The following CHST11 variants were observed in gnomAD, a reference collection of about 807,000 sequenced individuals.
CHST11 encodes C4S-1.
CHST11 carries 9 observed loss-of-function variants against 30.4 expected under a neutral mutation model. That is an observed-to-expected ratio of 0.30 (90% CI 0.18 to 0.52). The LOEUF is 0.52. Among genes scored for constraint, CHST11 ranks in the 20% least tolerant of loss-of-function variants. The pLI is 0.97. For missense variants in CHST11, 348 were observed against 460.6 expected (o/e 0.76, Z 2.24); for synonymous variants, 152 against 187.8 (o/e 0.81, Z 1.56).
intron 2 of CHST11, among the ~76,000 whole-genome samples, chr12:104,670,163 A>AG (rs958243517): frequency 1.4e-4 from 21 of 152,310 alleles, no homozygotes; most frequent in African/African-American, 4.6e-4. Flanking sequence ...AGAGGGAGGA[A>AG]GGGGGGTCCA....
intron 1 of CHST11, among the ~76,000 whole-genome samples, chr12:104,489,635 C>T (rs1194450072): frequency 3.9e-5 from 6 of 152,170 alleles, no homozygotes; most frequent in East Asian, 3.9e-4. Flanking sequence ...TGCACCACCA[C>T]GCCCAGCTAA....
At chr12:104,613,417 C>T (rs974033785) in intron 2 of CHST11, among the ~76,000 whole-genome samples, 1 of 151,530 alleles carries the variant, frequency 6.6e-6, no homozygotes, top group African/African-American at 2.4e-5. Flanking sequence ...GTGTCACCCC[C>T]GTCCCCAAAT....
At chr12:104,654,530 C>T (rs1158174045) in intron 2 of CHST11, among the ~76,000 whole-genome samples, 1 of 152,080 alleles carries the variant, frequency 6.6e-6, no homozygotes, top group Non-Finnish European at 1.5e-5. Context: ...CCCTGGATTC[C>T]CCATGGTGGT....
intron 1 of CHST11, among the ~76,000 whole-genome samples, chr12:104,551,694 T>A (rs1435547618): frequency 6.6e-6 from 1 of 152,142 alleles, no homozygotes; most frequent in Non-Finnish European, 1.5e-5. Context: ...GTGAAGAGTA[T>A]TTTTAGCCAA....
rs2040244504 is a variant in CHST11 at position 104,729,998 on chromosome 12, TG to T, written c.205-26949del. ...CTTGGGGCTCTAAGTAGCATTACACTGGCTGGGCAGGTAGTCACCCTCATCC... is the reference window on the plus strand; with the variant it reads ...CTTGGGGCTCTAAGTAGCATTACACTGCTGGGCAGGTAGTCACCCTCATCC... On this transcript the variant is annotated intron_variant, in intron 2 of 2. Coordinates refer to ENST00000303694, the MANE Select transcript of CHST11 (RefSeq NM_018413.6). The surrounding 1 kb of genome is among the most constrained non-coding windows in gnomAD (Gnocchi z 4.0). Among the ~76,000 whole-genome samples the T allele has an allele frequency of 6.6e-6, 1 of 152,204 alleles. No homozygotes were observed. The highest frequency in any genetic ancestry group is 6.5e-5 in the Admixed American group (1 of 15,280).
chr12:104,547,131 G>T (rs1017418261), intron 1 of CHST11, among the ~76,000 whole-genome samples: 1 of 152,206 alleles, frequency 6.6e-6, no homozygotes, highest in Non-Finnish European at 1.5e-5. Flanking sequence ...GTGCCAGTAA[G>T]GTTGGAATTT....
intron 1 of CHST11, chr12:104,553,565 C>CAGTGAGAGAG (rs1253412011): frequency 1.1e-5 from 1 of 86,990 alleles, no homozygotes; most frequent in African/African-American, 6.3e-5. Context: ...CACATGGTGT[C>CAGTGAGAGAG]AGCGAGAGAG....
At chr12:104,663,656 T>A (rs1466522696) in intron 2 of CHST11, among the ~76,000 whole-genome samples, 1 of 152,134 alleles carries the variant, frequency 6.6e-6, no homozygotes, top group South Asian at 2.1e-4. Context: ...AACCCTAATT[T>A]AAAAAAATCT....
chr12:104,521,115 A>G (rs12306794), intron 1 of CHST11, among the ~76,000 whole-genome samples: 3,282 of 152,336 alleles, frequency 0.022, 134 homozygotes, highest in African/African-American at 0.075. Flanking sequence ...TGCTCAATAC[A>G]TATTTGTAGA....
chr12:104,488,421 C>G (rs11112078), intron 1 of CHST11, among the ~76,000 whole-genome samples: 56,637 of 146,754 alleles, frequency 0.39, 11,005 homozygotes, highest in East Asian at 0.68. Context: ...GTGTATGTGT[C>G]TATGTATGTG....
At chr12:104,708,955 AT>A (rs1279614562) in intron 2 of CHST11, among the ~76,000 whole-genome samples, 2 of 152,178 alleles carry the variant, frequency 1.3e-5, no homozygotes. Flanking sequence ...AAAGCTGTGA[AT>A]GTAGGGAAAG....
At chr12:104,473,615 G>A (rs78257581) in intron 1 of CHST11, among the ~76,000 whole-genome samples, 3,567 of 152,158 alleles carry the variant, frequency 0.023, 111 homozygotes, top group East Asian at 0.16. Context: ...GAAAGATGCC[G>A]CCCTGTGTCC....
chr12:104,678,739 G>C (rs2039765884), intron 2 of CHST11, among the ~76,000 whole-genome samples: 1 of 152,110 alleles, frequency 6.6e-6, no homozygotes, highest in South Asian at 2.1e-4. Flanking sequence ...CACGGTGGGG[G>C]AGATAAAAAC....
rs185488917 is a variant in CHST11, at chr12:104,538,542, A to G, written c.119-63364A>G. Among the ~76,000 whole-genome samples the G allele has an allele frequency of 2.3e-3, 357 of 152,318 alleles. 3 individuals are homozygous for G. The highest frequency in any genetic ancestry group is 8.3e-3 in the African/African-American group (344 of 41,566). ...AGCCTAAAGTTATGGAGAATGTTAA[A>G]GAGAATATATATTTTTTGAACTTTG... On this transcript the variant is annotated intron_variant, in intron 1 of 2. Coordinates refer to ENST00000303694, the MANE Select transcript of CHST11 (RefSeq NM_018413.6).
intron 1 of CHST11, among the ~76,000 whole-genome samples, chr12:104,573,187 C>G (rs1181206056): frequency 6.6e-6 from 1 of 152,110 alleles, no homozygotes; most frequent in Non-Finnish European, 1.5e-5. Flanking sequence ...GAACTACAAA[C>G]CGCTGCTCAA....
chr12:104,465,893 G>A (rs2037452620), intron 1 of CHST11, among the ~76,000 whole-genome samples: 1 of 151,476 alleles, frequency 6.6e-6, no homozygotes, highest in Non-Finnish European at 1.5e-5. Flanking sequence ...TTTTGAGACA[G>A]AGTCTCACTC....
intron 1 of CHST11, among the ~76,000 whole-genome samples, chr12:104,598,260 T>C (rs1306690933): frequency 6.6e-6 from 1 of 152,132 alleles, no homozygotes; most frequent in East Asian, 1.9e-4. Context: ...CAGAAGTCAT[T>C]TGTGGCCCCT....
At chr12:104,602,071 T>C (rs2038961922) in intron 2 of CHST11, 80 bp downstream of exon 2, 1 of 1,021,640 alleles carries the variant, frequency 9.8e-7, no homozygotes, top group Non-Finnish European at 1.5e-6. Flanking sequence ...AATTGTGGTC[T>C]TTGGGGGATT....
intron 2 of CHST11, among the ~76,000 whole-genome samples, chr12:104,675,673 C>T (rs776230355): frequency 5.9e-5 from 9 of 152,192 alleles, no homozygotes; most frequent in Admixed American, 3.9e-4. Flanking sequence ...TCCTAAACCA[C>T]GTACTTAAGC....
Sources: allele counts gnomAD v4.1 joint callset (sites outside exome capture counted in the v4.1 genomes callset), GRCh38; gene constraint gnomAD v4.1.1; non-coding constraint Gnocchi (gnomAD v3.1); transcripts MANE v1.5; gene names NCBI Gene and HGNC (gene_info 2026-07-23, HGNC 2026-07-21).